The following IL1RAPL1 variants were observed in gnomAD, a reference collection of about 807,000 sequenced individuals.
The protein encoded by IL1RAPL1 is interleukin 1 receptor accessory protein like 1.
In IL1RAPL1, 3 loss-of-function variants were observed where a neutral mutation model predicts 48.4. The observed-to-expected ratio is 0.06, with a 90% confidence interval of 0.03 to 0.16. The LOEUF is 0.16. Among genes scored for constraint, IL1RAPL1 ranks in the 10% least tolerant of loss-of-function variants. The pLI, the probability that IL1RAPL1 is intolerant of heterozygous loss-of-function variation, is 1.00. For missense variants in IL1RAPL1, 349 were observed against 530.6 expected (o/e 0.66, Z 3.36); for synonymous variants, 185 against 187.7 (o/e 0.99, Z 0.12).
At chrX:28,820,500 A>G (rs113517459) in intron 2 of IL1RAPL1, among the ~76,000 whole-genome samples, 292 of 111,630 alleles carry the variant, frequency 2.6e-3, no homozygotes, top group Middle Eastern at 4.6e-3. Context: ...TGCTTCATCT[A>G]CCTGCCTTGT....
intron 1 of IL1RAPL1, among the ~76,000 whole-genome samples, chrX:28,592,747 A>G (rs1338833376): frequency 8.9e-6 from 1 of 111,793 alleles, no homozygotes; most frequent in Non-Finnish European, 1.9e-5. Flanking sequence ...AAGAATTTTC[A>G]TGTTGTAGAG....
At chrX:28,769,668 G>A (rs1936289619) in intron 1 of IL1RAPL1, among the ~76,000 whole-genome samples, 1 of 110,980 alleles carries the variant, frequency 9.0e-6, no homozygotes, top group Admixed American at 9.6e-5. Flanking sequence ...ATGTCCTTTT[G>A]GGTTTCAAAT....
At chrX:29,562,520 CAT>C (rs1362484528) in intron 5 of IL1RAPL1, among the ~76,000 whole-genome samples, 4 of 111,157 alleles carry the variant, frequency 3.6e-5, no homozygotes, top group African/African-American at 9.8e-5. Flanking sequence ...GAATTAATGA[CAT>C]ATTGCCAAGA....
intron 3 of IL1RAPL1, among the ~76,000 whole-genome samples, chrX:29,385,448 C>T (rs1055228182): frequency 3.6e-5 from 4 of 111,412 alleles, no homozygotes; most frequent in East Asian, 2.8e-4. Flanking sequence ...AGCGAGACTC[C>T]GTCTCAATAA....
At chrX:29,816,343 G>A (rs1459319550) in intron 6 of IL1RAPL1, among the ~76,000 whole-genome samples, 1 of 110,809 alleles carries the variant, frequency 9.0e-6, no homozygotes, top group Non-Finnish European at 1.9e-5. Flanking sequence ...TAAATTCCTG[G>A]AAACACACAA....
chrX:29,839,273 T>C (rs996142473), intron 6 of IL1RAPL1, among the ~76,000 whole-genome samples: 3 of 112,364 alleles, frequency 2.7e-5, no homozygotes, highest in Admixed American at 9.4e-5. Flanking sequence ...TTAACTCATA[T>C]ATGTAAACCA....
At chrX:29,709,029 A>G (rs1291634939) in intron 6 of IL1RAPL1, among the ~76,000 whole-genome samples, 1 of 111,808 alleles carries the variant, frequency 8.9e-6, no homozygotes, top group Non-Finnish European at 1.9e-5. Flanking sequence ...TTTGATAAAT[A>G]TTTGTTCAGA....
At chrX:29,058,420 G>GAT (rs1187293131) in intron 2 of IL1RAPL1, among the ~76,000 whole-genome samples, 56 of 111,276 alleles carry the variant, frequency 5.0e-4, no homozygotes, top group African/African-American at 1.7e-3. Context: ...CCCATTCCCA[G>GAT]GTAAAATGTC....
At chrX:28,651,357 A>G in intron 1 of IL1RAPL1, among the ~76,000 whole-genome samples, 1 of 112,377 alleles carries the variant, frequency 8.9e-6, no homozygotes, top group Admixed American at 9.4e-5. Flanking sequence ...TTGTTTACAT[A>G]TTGTTAATGG....
At chrX:29,191,038 T>C (rs2147527224) in intron 2 of IL1RAPL1, among the ~76,000 whole-genome samples, 1 of 111,543 alleles carries the variant, frequency 9.0e-6, no homozygotes, top group East Asian at 2.8e-4. Flanking sequence ...TTTCACCATG[T>C]CTCAAATAAT....
At chrX:29,401,762 G>A (rs1167839356) in intron 5 of IL1RAPL1, among the ~76,000 whole-genome samples, 2 of 110,788 alleles carry the variant, frequency 1.8e-5, no homozygotes, top group Non-Finnish European at 3.8e-5. Flanking sequence ...GCAGCATCGT[G>A]AGCTTTTATG....
intron 5 of IL1RAPL1, among the ~76,000 whole-genome samples, chrX:29,437,197 A>G (rs1470902210): frequency 3.6e-5 from 4 of 110,781 alleles, no homozygotes; most frequent in Non-Finnish European, 5.7e-5. Context: ...TTTAAATTTT[A>G]TAATTCTATT....
At chrX:28,964,050 G>T (rs1178847213) in intron 2 of IL1RAPL1, among the ~76,000 whole-genome samples, 1 of 111,166 alleles carries the variant, frequency 9.0e-6, no homozygotes, top group Non-Finnish European at 1.9e-5. Context: ...AATTGTTTAT[G>T]AGTGTATATT....
intron 2 of IL1RAPL1, among the ~76,000 whole-genome samples, chrX:29,239,712 A>ATT (rs60139378): frequency 0.055 from 5,669 of 102,153 alleles, 427 homozygotes; most frequent in African/African-American, 0.19. Context: ...ACATTGTGAG[A>ATT]TTTTTTTTTT....
rs910227672 is a variant in IL1RAPL1 at position 29,035,679 on chromosome X, T to G, written c.82+246254T>G. Among the ~76,000 whole-genome samples the G allele has an allele frequency of 5.4e-5, 6 of 110,969 alleles. No homozygotes were observed. In the Admixed American group the frequency reaches 5.8e-4, roughly 11 times the overall value. ...TAATATAAAAATAAAGTTGCAAAAG[T>G]ACTAGAGAAAATGTTACATGAACAT... is the stretch of plus-strand genomic sequence containing the variant. On this transcript the variant is annotated intron_variant, in intron 2 of 10. Coordinates refer to ENST00000378993, the MANE Select transcript of IL1RAPL1 (RefSeq NM_014271.4).
At chrX:29,311,604 A>G (rs954314179) in intron 3 of IL1RAPL1, among the ~76,000 whole-genome samples, 2 of 112,395 alleles carry the variant, frequency 1.8e-5, no homozygotes, top group Non-Finnish European at 3.8e-5. Flanking sequence ...CAACTGAATA[A>G]CAATTTTTTT....
chrX:29,637,087 C>G (rs188068113), intron 5 of IL1RAPL1, among the ~76,000 whole-genome samples: 19 of 107,202 alleles, frequency 1.8e-4, no homozygotes, highest in Admixed American at 8.1e-4. Context: ...AACAGTCTGT[C>G]AAAAGGAAAC....
chrX:29,862,783 A>G (rs1384827732), intron 6 of IL1RAPL1, among the ~76,000 whole-genome samples: 1 of 110,029 alleles, frequency 9.1e-6, no homozygotes, highest in Non-Finnish European at 1.9e-5. Context: ...TACTGGCTGC[A>G]TGTTTGTACG....
chrX:28,977,911 C>T (rs1163768908), intron 2 of IL1RAPL1, among the ~76,000 whole-genome samples: 1 of 111,693 alleles, frequency 9.0e-6, no homozygotes, highest in Admixed American at 9.5e-5. Flanking sequence ...TGCAGTGAGC[C>T]GAGGTCACGC....
Sources: gnomAD v4.1 joint callset for allele counts (sites outside exome capture counted in the v4.1 genomes callset) on GRCh38, gnomAD v4.1.1 for gene constraint, MANE v1.5 for transcripts, NCBI Gene and HGNC (gene_info 2026-07-23, HGNC 2026-07-21) for gene names.